Variants in AMN observed in about 807,000 individuals in gnomAD.
AMN encodes the protein amnion associated transmembrane protein, also known as protein amnionless.
Under a neutral mutation model 49.1 loss-of-function variants are expected in AMN, and 40 were observed. That is an observed-to-expected ratio of 0.81 (90% CI 0.63 to 1.06). AMN has a LOEUF of 1.06. Ranked by LOEUF, AMN falls within the 50% of genes least tolerant of loss-of-function variation. The probability of loss-of-function intolerance (pLI) is 0.00; values close to 1 mark genes in which losing one functional copy is unlikely to be tolerated. For missense variants in AMN, 701 were observed against 662.8 expected, an observed-to-expected ratio of 1.06 and a Z score of -0.63; for synonymous variants, 380 against 313.3, an observed-to-expected ratio of 1.21 and a Z score of -2.25.
chr14:102,928,643 G>A (rs1226036376), intron 4 of AMN, 115 bp from the exon 5 acceptor site: 5 of 1,493,730 alleles, frequency 3.3e-6, no homozygotes, highest in Admixed American at 1.9e-5. Context: ...GGGAGTGGCG[G>A]AAGTGTCCCG....
chr14:102,930,200 G>C lies in AMN; in HGVS notation c.1042G>C (p.Glu348Gln). ...ALGVLEATMR[E>Q]SGAHVWGSSA... The stretch of plus-strand genomic sequence containing the variant: ...CGGCGTCCTGGAGGCGACCATGCGG[G>C]AGTCGGGCGCACACGTCTGGGGCAG... Residue 348 changes from glutamate (E) to glutamine (Q), a missense_variant, in exon 10 of 12, where the codon GAG (glutamate) becomes CAG (glutamine). Transcript: ENST00000299155. 1 of 1,475,948 alleles carries C rather than the reference G, an allele frequency of 6.8e-7. No individual in the cohort carries two copies. Among genetic ancestry groups the C allele is most frequent in the Non-Finnish European group, 8.9e-7 (1 of 1,120,106 alleles). The allele number at this position is 1,475,948 out of a possible 1,614,324, so 91.4% of individuals were successfully genotyped here. A position where few individuals can be genotyped will look rare whatever the true frequency, so the allele number is the denominator to read the frequency against.
rs1891329123 is a variant in AMN at position 102,930,597 on chromosome 14, C to G, written c.1279C>G (p.Leu427Val). Reference sequence around the variant, plus strand: ...GCAGCCCCTGCCGCGGCGGCTCAGCCTGGTTCCGAAGGCGGCCGCAGACAG... The same window carrying G: ...GCAGCCCCTGCCGCGGCGGCTCAGCGTGGTTCCGAAGGCGGCCGCAGACAG... ...EELPLPRRLSLVPKAAADSTS... is the reference protein window; with the variant it reads ...EELPLPRRLSVVPKAAADSTS... The change falls in exon 12 of 12, where the codon CTG becomes GTG. Residue 427 changes from leucine to valine, a missense_variant. Leu to Val is a conservative substitution (Grantham distance 32, BLOSUM62 1). Transcript: ENST00000299155. The G allele has an allele frequency of 3.8e-6, 6 of 1,587,364 alleles. No individual in the cohort carries two copies. The African/African-American group carries it at 4.0e-5, about 11-fold the overall frequency.
intron 1 of AMN, 165 bp downstream of exon 1, chr14:102,922,896 A>G (rs1040721072): frequency 2.5e-5 from 25 of 1,010,494 alleles, no homozygotes; most frequent in Non-Finnish European, 3.1e-5. Flanking sequence ...TCGTCTGGCG[A>G]GTGCGCAGCC....
In AMN at chr14:102,928,857, C is replaced by A; in HGVS notation, c.395C>A (p.Ala132Asp). The change falls in exon 5 of 12, where the codon GCC (alanine) becomes GAC (aspartate). Residue 132 changes from alanine (A) to aspartate (D), a missense_variant. Transcript: ENST00000299155. ...DEAPGLFFVD[A>D]ERVPCRHDDV... ...GCACCTGGCCTCTTCTTCGTGGACG[C>A]CGAGCGCGTGCCCTGCCGCCACGAC... 6.2e-7 allele frequency: 1 copy of A among 1,604,814 alleles called. No individual in the cohort carries two copies. Among genetic ancestry groups the A allele is most frequent in the Non-Finnish European group, 8.5e-7 (1 of 1,179,798 alleles).
intron 10 of AMN, 27 bp downstream of exon 10, chr14:102,930,354 G>T (rs905442968): frequency 3.5e-6 from 5 of 1,438,278 alleles, no homozygotes; most frequent in Non-Finnish European, 2.7e-6. Flanking sequence ...CGCGGAGGTG[G>T]GGCTGGGGGT....
chr14:102,929,762 A>G (rs1320235696), intron 8 of AMN, 25 bp downstream of exon 8: 1 of 1,548,330 alleles, frequency 6.5e-7, no homozygotes, highest in East Asian at 2.4e-5. Flanking sequence ...CGGGCAGCTG[A>G]GGGGAGTCCC....
In AMN at chr14:102,922,693, G is replaced by A; in HGVS notation, c.5G>A (p.Gly2Asp). 2.5e-6 allele frequency: 4 copies of A among 1,599,510 alleles called. No individual in the cohort carries two copies. The highest frequency in any genetic ancestry group is 3.4e-6 in the Non-Finnish European group (4 of 1,175,922). Residue 2 changes from glycine to aspartate, a missense_variant, in exon 1 of 12, where the codon GGC becomes GAC. Coordinates refer to ENST00000299155, the MANE Select transcript of AMN (RefSeq NM_030943.4). M[G>D]VLGRVLLWLQ... ...GGTGCAAGGAGCCGAGGCGAGATGGGCGTCCTGGGCCGGGTCCTGCTGTGG... is the reference window on the plus strand; with the variant it reads ...GGTGCAAGGAGCCGAGGCGAGATGGACGTCCTGGGCCGGGTCCTGCTGTGG...
chr14:102,925,899 A>G (rs955812662), intron 3 of AMN, among the ~76,000 whole-genome samples: 2 of 152,046 alleles, frequency 1.3e-5, no homozygotes, highest in Non-Finnish European at 2.9e-5. Context: ...AGCTTCATCC[A>G]TCTGCCTAGA....
intron 7 of AMN, 25 bp from the exon 8 acceptor site, chr14:102,929,630 G>T: frequency 2.6e-6 from 4 of 1,548,372 alleles, no homozygotes; most frequent in Non-Finnish European, 3.5e-6. Context: ...GATCCACGGC[G>T]CTGACCCCTG....
At chr14:102,923,034 C>G in intron 1 of AMN, 1 of 416,888 alleles carries the variant, frequency 2.4e-6, no homozygotes, top group Non-Finnish European at 4.4e-6. Context: ...TGGGCGCGGT[C>G]CCCAGAACCT....
At chr14:102,928,038 C>T (rs2139307366) in intron 3 of AMN, among the ~76,000 whole-genome samples, 1 of 152,354 alleles carries the variant, frequency 6.6e-6, no homozygotes, top group Admixed American at 6.5e-5. Context: ...GTTCCTGGAA[C>T]CTGGGAGCCC....
rs1891336710 is a variant in AMN, at chr14:102,930,704, G to C, written c.*24G>C. The stretch of plus-strand genomic sequence containing the variant: ...GAGCGGCCGCCTGACCGTCGACCTT[G>C]GGGCTCTCCACCCGCTCTGGCCCCA... On this transcript the variant is annotated 3_prime_UTR_variant, in exon 12 of 12. Coordinates refer to ENST00000299155, the MANE Select transcript of AMN (RefSeq NM_030943.4). 1 of 1,559,364 alleles carries C rather than the reference G, an allele frequency of 6.4e-7. No homozygotes were observed. The highest frequency in any genetic ancestry group is 1.4e-5 in the African/African-American group (1 of 73,614).
rs923418379 is a variant in AMN at position 102,929,049 on chromosome 14, C to A, written c.514-72C>A. ...CCGACCCCGCCCCTCCTGGTCTGCACACGTTGGGTCTGAGCACTCAGGTGA... is the reference window on the plus strand; with the variant it reads ...CCGACCCCGCCCCTCCTGGTCTGCAAACGTTGGGTCTGAGCACTCAGGTGA... On this transcript the variant is annotated intron_variant, in intron 5 of 11. Coordinates refer to ENST00000299155, the MANE Select transcript of AMN (RefSeq NM_030943.4). 5.6e-6 allele frequency: 9 copies of A among 1,596,638 alleles called. 1 individual carries two copies. The South Asian group carries it at 9.9e-5, about 18-fold the overall frequency.
intron 3 of AMN, among the ~76,000 whole-genome samples, chr14:102,924,246 T>C (rs1263379144): frequency 6.6e-6 from 1 of 152,112 alleles, no homozygotes; most frequent in Non-Finnish European, 1.5e-5. Context: ...CAGTGGGTGG[T>C]CTTCCCAGGA....
Position 102,929,940 on chromosome 14 carries a change from T to C in AMN, c.860T>C (p.Leu287Pro). ...TFLGLPQYHG[L>P]QVAVSKVPRS... ...CCTCCCCAGCCTCAGTACCACGGGCTGCAGGTGGCCGTGTCCAAGGTGCCA... is the reference window on the plus strand; with the variant it reads ...CCTCCCCAGCCTCAGTACCACGGGCCGCAGGTGGCCGTGTCCAAGGTGCCA... Residue 287 changes from leucine (L) to proline (P), a missense_variant, in exon 9 of 12, where the codon CTG (leucine) becomes CCG (proline). Transcript: ENST00000299155. The C allele has an allele frequency of 6.4e-7, 1 of 1,561,446 alleles. No homozygotes were observed. Among genetic ancestry groups the C allele is most frequent in the Middle Eastern group, 1.7e-4 (1 of 5,958 alleles).
chr14:102,927,546 G>T (rs930175523), intron 3 of AMN, among the ~76,000 whole-genome samples: 1 of 152,226 alleles, frequency 6.6e-6, no homozygotes, highest in Non-Finnish European at 1.5e-5. Context: ...GAACTGAAGT[G>T]TGACCTCACG....
Position 102,928,517 on chromosome 14 carries a change from A to C in AMN, c.295+4A>C. ...TCGCACCTGGACTGTGGCGCGGGTG[A>C]GGCGGTCGGGCAGGGGCGGGGCTCT... On this transcript the variant is annotated splice_donor_region_variant and intron_variant, in intron 4 of 11. Coordinates refer to ENST00000299155, the MANE Select transcript of AMN (RefSeq NM_030943.4). 1 of 1,601,498 alleles carries C rather than the reference A, an allele frequency of 6.2e-7. No homozygotes were observed. The highest frequency in any genetic ancestry group is 8.5e-7 in the Non-Finnish European group (1 of 1,177,356).
At chr14:102,923,529 G>C in intron 1 of AMN, 182 bp from the exon 2 acceptor site, 1 of 641,762 alleles carries the variant, frequency 1.6e-6, no homozygotes. Context: ...GAGAGCGCCC[G>C]GGCAGGGCGC....
chr14:102,929,443 T>C lies in AMN; in HGVS notation c.667T>C (p.Cys223Arg). The change falls in exon 7 of 12, where the codon TGC becomes CGC. Residue 223 changes from cysteine to arginine, a missense_variant. Cys to Arg is a radical substitution (Grantham distance 180). Coordinates refer to ENST00000299155, the MANE Select transcript of AMN (RefSeq NM_030943.4). The part of the protein sequence containing the change: ...CGNAEAQPWI[C>R]AALLQPLGGR... Reference sequence around the variant, plus strand: ...CTCGCACCAGGCGCAGCCGTGGATCTGCGCGGCCCTGCTCCAGCCCCTGGG... The same window carrying C: ...CTCGCACCAGGCGCAGCCGTGGATCCGCGCGGCCCTGCTCCAGCCCCTGGG... The C allele has an allele frequency of 1.3e-6, 2 of 1,530,996 alleles. No individual in the cohort carries two copies. Among genetic ancestry groups the C allele is most frequent in the Non-Finnish European group, 1.7e-6 (2 of 1,145,338 alleles). 94.8% of individuals were successfully genotyped at this position (1,530,996 alleles called of 1,614,324 possible). A position where few individuals can be genotyped will look rare whatever the true frequency, so the allele number is the denominator to read the frequency against.
Sources: gnomAD v4.1 joint callset for allele counts (sites outside exome capture counted in the v4.1 genomes callset) on GRCh38, gnomAD v4.1.1 for gene constraint, MANE v1.5 for transcripts, NCBI Gene and HGNC (gene_info 2026-07-23, HGNC 2026-07-21) for gene names.